The following SAMMSON variants were observed in gnomAD, a reference collection of about 807,000 sequenced individuals.
SAMMSON encodes survival associated mitochondrial melanoma specific oncogenic non-coding RNA, also known as long intergenic non-protein coding RNA 1212.
chr3:70,198,380 C>T lies in SAMMSON; in HGVS notation n.508-50727C>T, dbSNP rs184800835. Among the ~76,000 whole-genome samples the T allele has an allele frequency of 1.6e-3, 238 of 152,124 alleles. 6 individuals carry two copies. Among genetic ancestry groups the T allele is most frequent in the Admixed American group, 0.014 (220 of 15,288 alleles). Reference sequence around the variant, plus strand: ...TTGCCTACAGTATAAGTGCTCTTATCGCCGTATTCATTTACTTTTATTTTC... The same window carrying T: ...TTGCCTACAGTATAAGTGCTCTTATTGCCGTATTCATTTACTTTTATTTTC... On this transcript the variant is annotated intron_variant and non_coding_transcript_variant, in intron 4 of 9. Coordinates refer to ENST00000642114, the Ensembl canonical transcript of SAMMSON.
chr3:70,043,834 A>T (rs1370681719), intron 3 of SAMMSON, among the ~76,000 whole-genome samples: 1 of 151,978 alleles, frequency 6.6e-6, no homozygotes, highest in Non-Finnish European at 1.5e-5. Flanking sequence ...TCTGTGTTCC[A>T]CTTATCTATA....
intron 4 of SAMMSON, among the ~76,000 whole-genome samples, chr3:70,121,636 G>A (rs1050496102): frequency 1.3e-5 from 2 of 152,050 alleles, no homozygotes; most frequent in Non-Finnish European, 2.9e-5. Flanking sequence ...AGTAACTTGG[G>A]GCTTTGAAAG....
chr3:70,341,839 TA>T (rs34933759), intron 7 of SAMMSON, among the ~76,000 whole-genome samples: 362 of 151,098 alleles, frequency 2.4e-3, no homozygotes, highest in African/African-American at 8.4e-3. Context: ...GGCACTCCAA[TA>T]AAAAAAAACT....
intron 9 of SAMMSON, among the ~76,000 whole-genome samples, chr3:70,369,390 A>T (rs28757425): frequency 6.6e-5 from 10 of 151,766 alleles, no homozygotes; most frequent in Non-Finnish European, 1.0e-4. Context: ...CAGGAAAAAA[A>T]TTTTTTAAAT....
At position 70,195,380 on chromosome 3, in the gene SAMMSON, C is replaced by G. The variant is rs148336986; in HGVS notation, n.508-53727C>G. ...CAAACAGGAATGAAATCAGCATTAA[C>G]CATGGGTGCACTGCACTTCCAGGAG... On this transcript the variant is annotated intron_variant and non_coding_transcript_variant, in intron 4 of 9. Coordinates refer to ENST00000642114, the Ensembl canonical transcript of SAMMSON. Among the ~76,000 whole-genome samples, 105 of 152,246 alleles carry G rather than the reference C, an allele frequency of 6.9e-4. 4 individuals are homozygous for G. The highest frequency in any genetic ancestry group is 2.3e-3 in the African/African-American group (97 of 41,544).
chr3:70,386,539 A>T (rs1175037246), intron 9 of SAMMSON, among the ~76,000 whole-genome samples: 1 of 152,142 alleles, frequency 6.6e-6, no homozygotes, highest in African/African-American at 2.4e-5. Flanking sequence ...GATATCAACA[A>T]TTCTAACTAG....
chr3:70,276,724 A>G (rs1487551703), intron 6 of SAMMSON, among the ~76,000 whole-genome samples: 2 of 152,220 alleles, frequency 1.3e-5, no homozygotes, highest in African/African-American at 4.8e-5. Context: ...AGCCATGCTC[A>G]TTAATTTATG....
chr3:70,139,753 C>T (rs1415950260), intron 4 of SAMMSON, among the ~76,000 whole-genome samples: 1 of 152,124 alleles, frequency 6.6e-6, no homozygotes, highest in African/African-American at 2.4e-5. Flanking sequence ...TAAGTATAGC[C>T]TTGATGTTCT....
At chr3:70,199,665 G>A (rs1021422255) in intron 4 of SAMMSON, among the ~76,000 whole-genome samples, 1 of 152,130 alleles carries the variant, frequency 6.6e-6, no homozygotes, top group South Asian at 2.1e-4. Flanking sequence ...GCCAATTTTT[G>A]TTTGCACAAG....
chr3:70,228,049 G>A (rs1365517510), intron 4 of SAMMSON, among the ~76,000 whole-genome samples: 1 of 151,578 alleles, frequency 6.6e-6, no homozygotes, highest in Non-Finnish European at 1.5e-5. Flanking sequence ...ATATCCAACA[G>A]AGAATCTTAA....
chr3:70,004,215 T>C (rs2066917236), intron 1 of SAMMSON, among the ~76,000 whole-genome samples: 1 of 152,166 alleles, frequency 6.6e-6, no homozygotes, highest in Admixed American at 6.5e-5. Context: ...TTAGTAAAGT[T>C]AGTAAGTTAG....
chr3:70,322,621 A>C (rs1040437006), intron 7 of SAMMSON, among the ~76,000 whole-genome samples: 1 of 152,156 alleles, frequency 6.6e-6, no homozygotes, highest in Non-Finnish European at 1.5e-5. Flanking sequence ...AGGATATTTA[A>C]ATAGATTGAA....
intron 4 of SAMMSON, among the ~76,000 whole-genome samples, chr3:70,079,117 G>T (rs2067259007): frequency 6.6e-6 from 1 of 152,146 alleles, no homozygotes; most frequent in African/African-American, 2.4e-5. Flanking sequence ...GAAAAAGTTT[G>T]CAGATTCATG....
chr3:70,350,438 A>C (rs919756444), intron 7 of SAMMSON, among the ~76,000 whole-genome samples: 3 of 152,116 alleles, frequency 2.0e-5, no homozygotes, highest in African/African-American at 7.2e-5. Flanking sequence ...TGGTATCTAA[A>C]ATCTGAGTTT....
intron 4 of SAMMSON, among the ~76,000 whole-genome samples, chr3:70,112,792 T>C (rs2067394969): frequency 6.6e-6 from 1 of 152,204 alleles, no homozygotes; most frequent in African/African-American, 2.4e-5. Flanking sequence ...AATTACATAC[T>C]CTTTCAAAAG....
intron 7 of SAMMSON, among the ~76,000 whole-genome samples, chr3:70,339,458 C>G (rs1353821543): frequency 6.6e-6 from 1 of 152,082 alleles, no homozygotes; most frequent in Non-Finnish European, 1.5e-5. Context: ...CCATCAGAGT[C>G]AACATGCAAC....
At chr3:70,407,631 G>C (rs981565794) in intron 2 of SAMMSON, among the ~76,000 whole-genome samples, 3 of 152,208 alleles carry the variant, frequency 2.0e-5, no homozygotes, top group African/African-American at 7.2e-5. Context: ...CCATGGTCTT[G>C]GGCAGCTCTG....
intron 4 of SAMMSON, among the ~76,000 whole-genome samples, chr3:70,122,782 A>C (rs1217038071): frequency 6.6e-6 from 1 of 152,228 alleles, no homozygotes; most frequent in African/African-American, 2.4e-5. Context: ...TTGCAAAATA[A>C]GTTTTTTATC....
intron 2 of SAMMSON, among the ~76,000 whole-genome samples, chr3:70,405,354 A>G (rs781701586): frequency 5.3e-5 from 8 of 152,240 alleles, no homozygotes; most frequent in Non-Finnish European, 1.2e-4. Flanking sequence ...CAATATCTAA[A>G]AATTGAAATA....
Sources: allele counts gnomAD v4.1 joint callset (sites outside exome capture counted in the v4.1 genomes callset), GRCh38; gene constraint gnomAD v4.1.1; transcripts MANE v1.5; gene names NCBI Gene and HGNC (gene_info 2026-07-23, HGNC 2026-07-21).